The following KHDRBS2 variants were observed in gnomAD, a reference collection of about 807,000 sequenced individuals.
KHDRBS2 encodes the protein KH domain-containing, RNA-binding, signal transduction-associated protein 2.
A neutral mutation model predicts 44.3 loss-of-function variants in KHDRBS2; 26 were observed. The ratio of observed to expected loss-of-function variants is 0.59; its 90% CI spans 0.43 to 0.81. The LOEUF (loss-of-function observed/expected upper bound fraction) is 0.81, where lower values mean the gene tolerates loss of function less well. KHDRBS2 is among the 40% of genes least tolerant of loss of function. KHDRBS2 has a pLI of 0.00. For synonymous variants in KHDRBS2, 194 were observed against 151.1 expected (o/e 1.28, Z -2.08); for missense variants, 476 against 433.1 (o/e 1.10, Z -0.88).
the KHDRBS2 span, among the ~76,000 whole-genome samples, chr6:61,651,963 G>A: frequency 6.6e-6 from 1 of 152,088 alleles, no homozygotes; most frequent in African/African-American, 2.4e-5. Flanking sequence ...AGCACCAACA[G>A]TGGACAGCAG....
intron 2 of KHDRBS2, among the ~76,000 whole-genome samples, chr6:62,161,575 G>T (rs1181269029): frequency 2.8e-5 from 1 of 35,614 alleles, no homozygotes; most frequent in South Asian, 8.8e-4. Context: ...GGTATTTGCG[G>T]GGGGGGGGGG....
intron 4 of KHDRBS2, among the ~76,000 whole-genome samples, chr6:61,903,247 G>A (rs1377890349): frequency 6.6e-6 from 1 of 152,154 alleles, no homozygotes; most frequent in Non-Finnish European, 1.5e-5. Context: ...GCAATGTAAT[G>A]TTTTCCAGTT....
chr6:61,958,933 C>T (rs1207745796), intron 4 of KHDRBS2, among the ~76,000 whole-genome samples: 1 of 152,114 alleles, frequency 6.6e-6, no homozygotes, highest in Non-Finnish European at 1.5e-5. Context: ...AGTATCCATA[C>T]TTAGATTGCT....
chr6:61,694,918 T>C (rs1767743898), intron 8 of KHDRBS2, among the ~76,000 whole-genome samples: 1 of 152,182 alleles, frequency 6.6e-6, no homozygotes, highest in African/African-American at 2.4e-5. Flanking sequence ...CTGTCTCCTA[T>C]AACAGCAAAA....
At chr6:61,704,801 C>A (rs1286389354) in intron 7 of KHDRBS2, among the ~76,000 whole-genome samples, 1 of 151,792 alleles carries the variant, frequency 6.6e-6, no homozygotes, top group Non-Finnish European at 1.5e-5. Context: ...AATGTATAAG[C>A]AAATCATTGT....
At chr6:61,616,047 A>C in the KHDRBS2 span, among the ~76,000 whole-genome samples, 1 of 152,334 alleles carries the variant, frequency 6.6e-6, no homozygotes, top group South Asian at 2.1e-4. Context: ...GTTAAAAGAC[A>C]GAATCCTGAG....
At chr6:61,662,907 C>G in the KHDRBS2 span, among the ~76,000 whole-genome samples, 3 of 151,742 alleles carry the variant, frequency 2.0e-5, no homozygotes, top group Non-Finnish European at 2.9e-5. Flanking sequence ...TGGGTATATA[C>G]CCAAAGGATT....
At chr6:62,209,855 T>G (rs1828721724) in intron 1 of KHDRBS2, among the ~76,000 whole-genome samples, 2 of 152,180 alleles carry the variant, frequency 1.3e-5, no homozygotes, top group Non-Finnish European at 2.9e-5. Context: ...GCTTTTGGAC[T>G]CTTGAATTCA....
rs922667011 is a variant in KHDRBS2, at chr6:62,122,948, C to T, written c.219+54237G>A. On this transcript the variant is annotated intron_variant, in intron 2 of 8. Transcript: ENST00000281156. ...TAAGTTCTAGGGTACATGTGAACAA[C>T]GTGCAGTTTTGTTACATAGGTATAC... is the stretch of plus-strand genomic sequence containing the variant. Among the ~76,000 whole-genome samples the T allele has an allele frequency of 7.9e-5, 12 of 151,842 alleles. 1 individual carries two copies. The highest frequency in any genetic ancestry group is 2.7e-4 in the African/African-American group (11 of 41,288).
At chr6:62,180,340 G>A (rs1003185028) in intron 1 of KHDRBS2, among the ~76,000 whole-genome samples, 1 of 151,838 alleles carries the variant, frequency 6.6e-6, no homozygotes, top group Non-Finnish European at 1.5e-5. Flanking sequence ...AGTGAATTCA[G>A]GAAAGTTGCA....
chr6:61,990,380 G>A (rs1775902127), intron 3 of KHDRBS2, among the ~76,000 whole-genome samples: 1 of 152,122 alleles, frequency 6.6e-6, no homozygotes, highest in African/African-American at 2.4e-5. Context: ...ATTCTACAAA[G>A]AGAGATAAGA....
At chr6:62,118,397 A>C (rs1252508077) in intron 2 of KHDRBS2, among the ~76,000 whole-genome samples, 1 of 152,118 alleles carries the variant, frequency 6.6e-6, no homozygotes, top group African/African-American at 2.4e-5. Context: ...GTCATCATAC[A>C]AATTTGGGGA....
the KHDRBS2 span, among the ~76,000 whole-genome samples, chr6:61,591,965 G>C: frequency 6.6e-6 from 1 of 151,998 alleles, no homozygotes. Flanking sequence ...GGCAAGAGAG[G>C]GTCATGTGAG....
chr6:61,567,047 A>C, the KHDRBS2 span, among the ~76,000 whole-genome samples: 1 of 152,196 alleles, frequency 6.6e-6, no homozygotes, highest in African/African-American at 2.4e-5. Flanking sequence ...AGGCTGGGGA[A>C]TGTGATTTGG....
intron 6 of KHDRBS2, among the ~76,000 whole-genome samples, chr6:61,818,208 T>TA (rs1267604458): frequency 1.3e-5 from 2 of 148,830 alleles, no homozygotes; most frequent in African/African-American, 5.0e-5. Flanking sequence ...CCTTCCTTTT[T>TA]AAAAAAGACC....
chr6:61,730,960 AT>A (rs1185566666), intron 7 of KHDRBS2, among the ~76,000 whole-genome samples: 1 of 151,998 alleles, frequency 6.6e-6, no homozygotes, highest in African/African-American at 2.4e-5. Flanking sequence ...AGAAGAGAGA[AT>A]GTCCCTCATT....
At chr6:61,876,482 A>G (rs1410862963) in intron 6 of KHDRBS2, among the ~76,000 whole-genome samples, 1 of 147,304 alleles carries the variant, frequency 6.8e-6, no homozygotes. Context: ...GAATATTGGT[A>G]TTAGTGTACC....
intron 3 of KHDRBS2, among the ~76,000 whole-genome samples, chr6:62,019,417 A>G (rs1437116188): frequency 1.3e-5 from 2 of 152,034 alleles, no homozygotes; most frequent in African/African-American, 4.8e-5. Context: ...GTGTTTTATA[A>G]TGTCCTTTTC....
chr6:61,832,375 A>G (rs1336422135), intron 6 of KHDRBS2, among the ~76,000 whole-genome samples: 2 of 152,178 alleles, frequency 1.3e-5, no homozygotes, highest in East Asian at 1.9e-4. Context: ...CCTCTTATCT[A>G]TAGGTCTCTT....
Sources: gnomAD v4.1 joint callset for allele counts (sites outside exome capture counted in the v4.1 genomes callset) on GRCh38, gnomAD v4.1.1 for gene constraint, MANE v1.5 for transcripts, NCBI Gene and HGNC (gene_info 2026-07-23, HGNC 2026-07-21) for gene names.